Variants in ANKS6 observed in about 807,000 individuals in gnomAD.
ANKS6 encodes ankyrin repeat and sterile alpha motif domain containing 6, also known as ankyrin repeat and SAM domain-containing protein 6.
Under a neutral mutation model 77.9 loss-of-function variants are expected in ANKS6, and 47 were observed. The observed-to-expected ratio is 0.60, with a 90% confidence interval of 0.48 to 0.77. The LOEUF is 0.77. ANKS6 is among the 30% of genes least tolerant of loss of function. The pLI is 0.00. For synonymous variants in ANKS6, 488 were observed against 501.7 expected (o/e 0.97, Z 0.37); for missense variants, 1,150 against 1,159.1 (o/e 0.99, Z 0.11).
At chr9:98,786,338 C>A (rs1834564437) in intron 2 of ANKS6, among the ~76,000 whole-genome samples, 1 of 149,124 alleles carries the variant, frequency 6.7e-6, no homozygotes, top group African/African-American at 2.5e-5. Flanking sequence ...GTCTCCCAGG[C>A]TAGAGGGCAG....
intron 1 of ANKS6, among the ~76,000 whole-genome samples, chr9:98,790,814 C>T (rs974348099): frequency 2.0e-5 from 3 of 152,260 alleles, no homozygotes; most frequent in African/African-American, 7.2e-5. Context: ...AAATCCAGCT[C>T]TCCCCACCAC....
chr9:98,735,863 A>G lies in ANKS6; in HGVS notation c.*656T>C, dbSNP rs1025284787. 4 of 1,232,146 alleles carry G rather than the reference A, an allele frequency of 3.2e-6. No individual in the cohort carries two copies. In the Admixed American group the frequency reaches 1.7e-4, roughly 52 times the overall value. The allele number at this position is 1,232,146 out of a possible 1,614,324, so 76.3% of individuals were successfully genotyped here. ...CAGTGGAATGCTACAGCAGTCACAT[A>G]CACAGCACTAAGGGACCCAGTGGCT... On this transcript the variant is annotated 3_prime_UTR_variant, in exon 15 of 15. Coordinates refer to ENST00000353234, the MANE Select transcript of ANKS6 (RefSeq NM_173551.5).
chr9:98,786,025 C>T (rs1300695658), intron 2 of ANKS6, among the ~76,000 whole-genome samples: 7 of 152,230 alleles, frequency 4.6e-5, no homozygotes, highest in Non-Finnish European at 7.3e-5. Context: ...GTCACCCAGG[C>T]TGGAGTGCAG....
chr9:98,789,848 G>A lies in ANKS6; in HGVS notation c.862+256C>T, dbSNP rs544391416. 3 of 448,224 alleles carry A rather than the reference G, an allele frequency of 6.7e-6. No homozygotes were observed. In the South Asian group the frequency reaches 2.2e-4, roughly 33 times the overall value. 27.8% of individuals were successfully genotyped at this position (448,224 alleles called of 1,614,324 possible). ...CCACCTGCATCAGAATGATGTGCTT[G>A]GGGAGAGCAGCCTTGTTATAGAGGC... On this transcript the variant is annotated intron_variant, in intron 2 of 14. Coordinates refer to ENST00000353234, the MANE Select transcript of ANKS6 (RefSeq NM_173551.5).
chr9:98,782,578 G>GA lies in ANKS6; in HGVS notation c.1113-6dup, dbSNP rs776909761. On this transcript the variant is annotated splice_polypyrimidine_tract_variant and splice_region_variant and intron_variant, in intron 4 of 14. Coordinates refer to ENST00000353234, the MANE Select transcript of ANKS6 (RefSeq NM_173551.5). Reference sequence around the variant, plus strand: ...TATTTCACAATTTCCTTATTCCTGGGAAAAAATGCTAGAGTTACATTCACT... The same window carrying GA: ...TATTTCACAATTTCCTTATTCCTGGGAAAAAAATGCTAGAGTTACATTCACT... 220 of 1,609,688 alleles carry GA rather than the reference G, an allele frequency of 1.4e-4. 3 individuals are homozygous for GA. The South Asian group carries it at 2.3e-3, about 17-fold the overall frequency.
At position 98,780,293 on chromosome 9, in the gene ANKS6, T is replaced by G; in HGVS notation, c.1264A>C (p.Asn422His). Reference protein sequence around the residue: ...RLLASVCMQVNKDKGRPSHQP... With the variant: ...RLLASVCMQVHKDKGRPSHQP... ...TGGCTCGGCCGGCCTTTGTCTTTAT[T>G]CACCTGCATGCAGACAGATGCCAGC... The change falls in exon 6 of 15, where the codon AAT (asparagine) becomes CAT (histidine). Residue 422 changes from asparagine to histidine, a missense_variant. Asn to His is a moderately conservative substitution (Grantham distance 68). Transcript: ENST00000353234. The G allele has an allele frequency of 6.2e-7, 1 of 1,609,920 alleles. No homozygotes were observed.
At position 98,770,749 on chromosome 9, in the gene ANKS6, T is replaced by G. The variant is rs1833573890; in HGVS notation, c.1972+147A>C. On this transcript the variant is annotated intron_variant, in intron 10 of 14. Transcript: ENST00000353234. ...GTAAAACTCTGAATTGGGAATTCAC[T>G]GAAAAATCTCTTAGCCACATTAAGG... is the stretch of plus-strand genomic sequence containing the variant. 5.8e-6 allele frequency: 5 copies of G among 863,068 alleles called. 1 individual carries two copies. In the Middle Eastern group the frequency reaches 1.6e-3, roughly 278 times the overall value. 53.5% of individuals were successfully genotyped at this position (863,068 alleles called of 1,614,324 possible).
rs1382688730 is a variant in ANKS6 at position 98,735,517 on chromosome 9, G to A, written c.*1002C>T. 2 of 1,229,342 alleles carry A rather than the reference G, an allele frequency of 1.6e-6. No homozygotes were observed. Among genetic ancestry groups the A allele is most frequent in the Non-Finnish European group, 2.0e-6 (2 of 987,158 alleles). 76.2% of individuals were successfully genotyped at this position (1,229,342 alleles called of 1,614,324 possible). Reference sequence around the variant, plus strand: ...CTTTTGAGGAACACAGCATTAATAGGATGTAGACAAAATTCCAAATTTTCA... The same window carrying A: ...CTTTTGAGGAACACAGCATTAATAGAATGTAGACAAAATTCCAAATTTTCA... On this transcript the variant is annotated 3_prime_UTR_variant, in exon 15 of 15. Transcript: ENST00000353234.
Position 98,796,257 on chromosome 9 carries a change from T to G in ANKS6, c.235A>C (p.Asn79His). The G allele has an allele frequency of 2.9e-6, 4 of 1,374,418 alleles. No homozygotes were observed. The highest frequency in any genetic ancestry group is 3.8e-6 in the Non-Finnish European group (4 of 1,058,990). The allele number at this position is 1,374,418 out of a possible 1,614,324, so 85.1% of individuals were successfully genotyped here. Reference protein sequence around the residue: ...VPVDCSDEAGNTALQFAAAGG... With the variant: ...VPVDCSDEAGHTALQFAAAGG... ...GCCGCGGCGAACTGCAGTGCGGTGT[T>G]GCCCGCCTCGTCCGAGCAATCCACG... Residue 79 changes from asparagine to histidine, a missense_variant, in exon 1 of 15, where the codon AAC becomes CAC. Asn to His is a moderately conservative substitution (Grantham distance 68). Coordinates refer to ENST00000353234, the MANE Select transcript of ANKS6 (RefSeq NM_173551.5).
In ANKS6 at chr9:98,770,921, G is replaced by A. The variant is rs372845968; in HGVS notation, c.1947C>T (p.His649=). ...GGSSGVGVSR[H]GGELLNRSGG... ...CTGAGCGGTTAAGCAGCTCCCCACCGTGCCGGCTCACACCTACCCCACTGG... is the reference window on the plus strand; with the variant it reads ...CTGAGCGGTTAAGCAGCTCCCCACCATGCCGGCTCACACCTACCCCACTGG... Residue 649 remains histidine (H), a synonymous_variant, in exon 10 of 15, where the codon CAC becomes CAT. Coordinates refer to ENST00000353234, the MANE Select transcript of ANKS6 (RefSeq NM_173551.5). The A allele has an allele frequency of 8.0e-5, 124 of 1,542,716 alleles. No individual in the cohort carries two copies. Among genetic ancestry groups the A allele is most frequent in the Middle Eastern group, 1.7e-4 (1 of 5,776 alleles).
At chr9:98,784,552 C>T (rs1015400765) in intron 3 of ANKS6, 7 of 444,394 alleles carry the variant, frequency 1.6e-5, no homozygotes, top group African/African-American at 1.4e-4. Flanking sequence ...CACAAAGAGA[C>T]TGGAGTGGGT....
chr9:98,733,250 A>C lies in ANKS6; in HGVS notation c.*3269T>G. On this transcript the variant is annotated 3_prime_UTR_variant, in exon 15 of 15. Coordinates refer to ENST00000353234, the MANE Select transcript of ANKS6 (RefSeq NM_173551.5). Reference sequence around the variant, plus strand: ...CTCCTCACAAAACCAGCTGGCCTCCATGTAATTTTGTGGCGCTGAAGAAGA... The same window carrying C: ...CTCCTCACAAAACCAGCTGGCCTCCCTGTAATTTTGTGGCGCTGAAGAAGA... 2 of 985,554 alleles carry C rather than the reference A, an allele frequency of 2.0e-6. No individual in the cohort carries two copies. The highest frequency in any genetic ancestry group is 4.7e-5 in the South Asian group (1 of 21,290). 61.1% of individuals were successfully genotyped at this position (985,554 alleles called of 1,614,324 possible).
chr9:98,735,581 C>T lies in ANKS6; in HGVS notation c.*938G>A, dbSNP rs1831453865. ...AAACTTTGAGCACCAGAGACCTTTA[C>T]ACAATGTGACCCATTAGCCTTCTGC... On this transcript the variant is annotated 3_prime_UTR_variant, in exon 15 of 15. Transcript: ENST00000353234. The T allele has an allele frequency of 7.3e-6, 9 of 1,231,070 alleles. No individual in the cohort carries two copies. The highest frequency in any genetic ancestry group is 1.6e-5 in the African/African-American group (1 of 64,426). 76.3% of individuals were successfully genotyped at this position (1,231,070 alleles called of 1,614,324 possible). A position where few individuals can be genotyped will look rare whatever the true frequency, so the allele number is the denominator to read the frequency against.
chr9:98,746,015 C>A, intron 13 of ANKS6: 1 of 309,902 alleles, frequency 3.2e-6, no homozygotes, highest in Non-Finnish European at 6.1e-6. Flanking sequence ...TGTTGCTGTA[C>A]TTTTAACAAT....
At position 98,732,652 on chromosome 9, in the gene ANKS6, A is replaced by G. The variant is rs1406726828; in HGVS notation, c.*3867T>C. ...AGGTTTCCCACATCTGCACCGCTCC[A>G]CAGTGTGAAAAGGGCTTTCTCACTT... On this transcript the variant is annotated 3_prime_UTR_variant, in exon 15 of 15. Transcript: ENST00000353234. 4 of 1,530,628 alleles carry G rather than the reference A, an allele frequency of 2.6e-6. No individual in the cohort carries two copies. The highest frequency in any genetic ancestry group is 2.0e-5 in the Admixed American group (1 of 48,922). The allele number at this position is 1,530,628 out of a possible 1,614,324, so 94.8% of individuals were successfully genotyped here. A position where few individuals can be genotyped will look rare whatever the true frequency, so the allele number is the denominator to read the frequency against.
At chr9:98,768,832 T>G (rs2118016589) in intron 10 of ANKS6, among the ~76,000 whole-genome samples, 1 of 152,286 alleles carries the variant, frequency 6.6e-6, no homozygotes, top group African/African-American at 2.4e-5. Context: ...AACCTTGAAC[T>G]ATTATAAAAT....
chr9:98,790,521 T>G lies in ANKS6; in HGVS notation c.445A>C (p.Thr149Pro). Residue 149 changes from threonine to proline, a missense_variant, in exon 2 of 15, where the codon ACT becomes CCT. Transcript: ENST00000353234. ...AQNRLGASVL[T>P]VASRGGHLGV... The stretch of plus-strand genomic sequence containing the variant: ...AGGTGGCCGCCCCGAGAAGCCACAG[T>G]GAGCACACTGGCCCCCAGCCGGTTC... The G allele has an allele frequency of 6.2e-7, 1 of 1,613,098 alleles. No individual in the cohort carries two copies. Among genetic ancestry groups the G allele is most frequent in the Non-Finnish European group, 8.5e-7 (1 of 1,179,790 alleles).
At chr9:98,767,149 T>A (rs561255609) in intron 11 of ANKS6, among the ~76,000 whole-genome samples, 57 of 152,338 alleles carry the variant, frequency 3.7e-4, no homozygotes, top group Non-Finnish European at 7.3e-4. Flanking sequence ...CTTACTGCAT[T>A]ATCTGTAGAT....
chr9:98,790,731 C>G (rs1189411748), intron 1 of ANKS6, 125 bp from the exon 2 acceptor site: 2 of 1,328,348 alleles, frequency 1.5e-6, no homozygotes, highest in East Asian at 5.0e-5. Flanking sequence ...CTTATTCTGG[C>G]GCCAGGCACT....
Sources: gnomAD v4.1 joint callset for allele counts (sites outside exome capture counted in the v4.1 genomes callset) on GRCh38, gnomAD v4.1.1 for gene constraint, MANE v1.5 for transcripts, NCBI Gene and HGNC (gene_info 2026-07-23, HGNC 2026-07-21) for gene names.